The following ANKS3 variants were observed in gnomAD, a reference collection of about 807,000 sequenced individuals.
ANKS3 encodes the protein ankyrin repeat and SAM domain-containing protein 3.
A neutral mutation model predicts 80.7 loss-of-function variants in ANKS3; 62 were observed. That is an observed-to-expected ratio of 0.77 (90% CI 0.63 to 0.95). ANKS3 has a LOEUF of 0.95. Among genes scored for constraint, ANKS3 ranks in the 40% least tolerant of loss-of-function variants. The pLI, the probability that ANKS3 is intolerant of heterozygous loss-of-function variation, is 0.00. For synonymous variants in ANKS3, 489 were observed against 355.3 expected (o/e 1.38, Z -4.23); for missense variants, 1,150 against 883.6 (o/e 1.30, Z -3.82).
intron 4 of ANKS3, 63 bp from the exon 5 acceptor site, chr16:4,726,843 C>T: frequency 6.3e-7 from 1 of 1,598,714 alleles, no homozygotes; most frequent in Non-Finnish European, 8.5e-7. Context: ...GGGCGCCCTC[C>T]AGGCGGCCAT....
intron 1 of ANKS3, among the ~76,000 whole-genome samples, chr16:4,732,695 A>AAC (rs2142182208): frequency 6.6e-6 from 1 of 151,668 alleles, no homozygotes; most frequent in South Asian, 2.1e-4. Flanking sequence ...AAAAACAAAA[A>AAC]AAAAACACTA....
In ANKS3 at chr16:4,732,439, G is replaced by A. The variant is rs1280174597; in HGVS notation, c.-70-860C>T. The stretch of plus-strand genomic sequence containing the variant: ...TCCCCAGAGGTCTGAAGGACAATGA[G>A]AACCAGACCAAGCGTGACGGACCAC... On this transcript the variant is annotated intron_variant, in intron 1 of 17. Coordinates refer to ENST00000304283, the MANE Select transcript of ANKS3 (RefSeq NM_133450.4). Among the ~76,000 whole-genome samples, 5 of 152,134 alleles carry A rather than the reference G, an allele frequency of 3.3e-5. No homozygotes were observed. The East Asian group carries it at 7.7e-4, about 23-fold the overall frequency.
In ANKS3 at chr16:4,726,750, G is replaced by T. The variant is rs776551088; in HGVS notation, c.400C>A (p.Gln134Lys). The change falls in exon 5 of 18, where the codon CAG becomes AAG. Residue 134 changes from glutamine (Q) to lysine (K), a missense_variant. By Grantham distance (53) the Gln-to-Lys change is moderately conservative. Coordinates refer to ENST00000304283, the MANE Select transcript of ANKS3 (RefSeq NM_133450.4). Reference protein sequence around the residue: ...QGAELEMKDIQGWTALFHCTS... With the variant: ...QGAELEMKDIKGWTALFHCTS... Reference sequence around the variant, plus strand: ...CAGTGGAAGAGGGCTGTCCAGCCCTGGATGTCTTTCATTTCTAGCTCTGCA... The same window carrying T: ...CAGTGGAAGAGGGCTGTCCAGCCCTTGATGTCTTTCATTTCTAGCTCTGCA... 2 of 1,613,938 alleles carry T rather than the reference G, an allele frequency of 1.2e-6. No homozygotes were observed.
rs148178524 is a variant in ANKS3 at position 4,705,156 on chromosome 16, C to T, written c.807G>A (p.Pro269=). 1.7e-5 allele frequency: 27 copies of T among 1,613,686 alleles called. No individual in the cohort carries two copies. Among genetic ancestry groups the T allele is most frequent in the East Asian group, 6.7e-5 (3 of 44,884 alleles). The stretch of plus-strand genomic sequence containing the variant: ...TGCCTGTGATCCTGGCCAGGGCTCG[C>T]GGTCCCTCGTGGATGCTGACACCCT... ...RKKGVSIHEG[P]RALARITGIG... Residue 269 remains proline (P), a synonymous_variant, in exon 8 of 18, where the codon CCG becomes CCA. Coordinates refer to ENST00000304283, the MANE Select transcript of ANKS3 (RefSeq NM_133450.4).
At chr16:4,714,341 T>G (rs1280169459) in intron 6 of ANKS3, 155 bp from the exon 7 acceptor site, 1 of 1,133,818 alleles carries the variant, frequency 8.8e-7, no homozygotes, top group African/African-American at 1.6e-5. Flanking sequence ...GGCAGGCTTG[T>G]CTGCACCGCA....
chr16:4,720,959 A>G (rs1250840200), intron 6 of ANKS3, among the ~76,000 whole-genome samples: 2 of 148,810 alleles, frequency 1.3e-5, no homozygotes, highest in Admixed American at 6.8e-5. Context: ...CAAACAAACA[A>G]AAAAACTCTG....
At chr16:4,719,205 G>A (rs1043409436) in intron 6 of ANKS3, among the ~76,000 whole-genome samples, 8 of 152,106 alleles carry the variant, frequency 5.3e-5, no homozygotes, top group Non-Finnish European at 1.2e-4. Flanking sequence ...GATAGCATGC[G>A]CTTGTGGTCT....
chr16:4,698,181 G>C (rs1341982156), intron 14 of ANKS3, 119 bp from the exon 15 acceptor site: 35 of 1,260,544 alleles, frequency 2.8e-5, no homozygotes, highest in Middle Eastern at 4.2e-4. Context: ...GGCCCTCATG[G>C]GCTGGGCCAG....
At chr16:4,725,210 C>G (rs1207659344) in intron 5 of ANKS3, 3 of 170,526 alleles carry the variant, frequency 1.8e-5, no homozygotes, top group African/African-American at 7.1e-5. Flanking sequence ...GTTCAACGTC[C>G]TCCATGAACC....
At chr16:4,725,835 T>C (rs889939186) in intron 5 of ANKS3, among the ~76,000 whole-genome samples, 4 of 151,974 alleles carry the variant, frequency 2.6e-5, no homozygotes, top group African/African-American at 7.3e-5. Context: ...AATTTTTGTA[T>C]TTTTAGTAGA....
chr16:4,712,302 C>T (rs562692859), intron 7 of ANKS3, among the ~76,000 whole-genome samples: 1 of 151,842 alleles, frequency 6.6e-6, no homozygotes, highest in Non-Finnish European at 1.5e-5. Flanking sequence ...ACTCAGGAGG[C>T]GGAGGTTGCG....
At chr16:4,730,744 C>G (rs1171558375) in intron 2 of ANKS3, among the ~76,000 whole-genome samples, 1 of 151,948 alleles carries the variant, frequency 6.6e-6, no homozygotes, top group Non-Finnish European at 1.5e-5. Context: ...GCCAGCTACT[C>G]GGGAGGCTGA....
chr16:4,714,357 A>G, intron 6 of ANKS3, 171 bp from the exon 7 acceptor site: 1 of 977,940 alleles, frequency 1.0e-6, no homozygotes, highest in Middle Eastern at 3.0e-4. Flanking sequence ...CCGCAGCCAC[A>G]AGTTTTGCTC....
chr16:4,700,443 G>C (rs756517326), intron 11 of ANKS3: 3 of 224,940 alleles, frequency 1.3e-5, no homozygotes, highest in African/African-American at 2.3e-5. Flanking sequence ...TAACCAACCA[G>C]AGCTTCCCTC....
At chr16:4,715,491 G>A (rs1250556404) in intron 6 of ANKS3, among the ~76,000 whole-genome samples, 2 of 152,270 alleles carry the variant, frequency 1.3e-5, no homozygotes, top group Admixed American at 6.5e-5. Flanking sequence ...AGCTACTCAG[G>A]AGGCTGAGGC....
chr16:4,729,968 G>C lies in ANKS3; in HGVS notation c.170+12C>G. 2 of 1,457,976 alleles carry C rather than the reference G, an allele frequency of 1.4e-6. No individual in the cohort carries two copies. The highest frequency in any genetic ancestry group is 1.8e-6 in the Non-Finnish European group (2 of 1,092,614). 90.3% of individuals were successfully genotyped at this position (1,457,976 alleles called of 1,614,324 possible). A position where few individuals can be genotyped will look rare whatever the true frequency, so the allele number is the denominator to read the frequency against. On this transcript the variant is annotated intron_variant, in intron 3 of 17. Transcript: ENST00000304283. The stretch of plus-strand genomic sequence containing the variant: ...CTCAAAATGTGAGAGGAAGTTCCCC[G>C]AGATCTCTTACCGCTGCACACACTC...
chr16:4,734,053 C>G lies in ANKS3; in HGVS notation c.-186G>C, dbSNP rs1395889878. 2 of 981,092 alleles carry G rather than the reference C, an allele frequency of 2.0e-6. No individual in the cohort carries two copies. The highest frequency in any genetic ancestry group is 1.7e-5 in the African/African-American group (1 of 57,168). 60.8% of individuals were successfully genotyped at this position (981,092 alleles called of 1,614,324 possible). On this transcript the variant is annotated 5_prime_UTR_variant, in exon 1 of 18. Coordinates refer to ENST00000304283, the MANE Select transcript of ANKS3 (RefSeq NM_133450.4). ...AAAGAAAATGTGGGGGCTCGGTCCT[C>G]CAGTCACGCGGCGAGCAAGTGCAGC...
chr16:4,726,793 A>T lies in ANKS3; in HGVS notation c.370-13T>A. 5.6e-6 allele frequency: 9 copies of T among 1,610,968 alleles called. No homozygotes were observed. Among genetic ancestry groups the T allele is most frequent in the Non-Finnish European group, 7.6e-6 (9 of 1,177,528 alleles). On this transcript the variant is annotated splice_polypyrimidine_tract_variant and intron_variant, in intron 4 of 17. Coordinates refer to ENST00000304283, the MANE Select transcript of ANKS3 (RefSeq NM_133450.4). ...GCTCTGCACCTTGCTTCAAGAGAAC[A>T]CAGAACGTGCGTTACGGCCTCATCT...
At chr16:4,732,991 T>C (rs923743356) in intron 1 of ANKS3, among the ~76,000 whole-genome samples, 1 of 152,086 alleles carries the variant, frequency 6.6e-6, no homozygotes. Flanking sequence ...ATATTGCATG[T>C]TCTCAATTAT....
Sources: gnomAD v4.1 joint callset for allele counts (sites outside exome capture counted in the v4.1 genomes callset) on GRCh38, gnomAD v4.1.1 for gene constraint, MANE v1.5 for transcripts, NCBI Gene and HGNC (gene_info 2026-07-23, HGNC 2026-07-21) for gene names.